The following TPO variants were observed in gnomAD, a reference collection of about 807,000 sequenced individuals.
The protein encoded by TPO is thyroid microsomal antigen.
In TPO, 78 loss-of-function variants were observed where a neutral mutation model predicts 96.9. The ratio of observed to expected loss-of-function variants is 0.81; its 90% CI spans 0.67 to 0.97. The LOEUF is 0.97. TPO is among the 50% of genes least tolerant of loss of function. The pLI is 0.00. For missense variants in TPO, 1,252 were observed against 1,274.8 expected (o/e 0.98, Z 0.27); for synonymous variants, 547 against 538.0 (o/e 1.02, Z -0.23).
intron 3 of TPO, among the ~76,000 whole-genome samples, chr2:1,432,543 G>A (rs1444616079): frequency 3.5e-5 from 5 of 142,472 alleles, no homozygotes; most frequent in Non-Finnish European, 7.7e-5. Context: ...CTGCAGGTGA[G>A]GAGAGGCCTG....
At chr2:1,455,224 G>A (rs975296857) in intron 6 of TPO, among the ~76,000 whole-genome samples, 1 of 152,176 alleles carries the variant, frequency 6.6e-6, no homozygotes, top group East Asian at 1.9e-4. Context: ...CCCATCTCAA[G>A]GCCCTTAATG....
chr2:1,505,090 G>A (rs1294097393), intron 14 of TPO, among the ~76,000 whole-genome samples: 2 of 152,192 alleles, frequency 1.3e-5, no homozygotes, highest in Non-Finnish European at 2.9e-5. Context: ...CAAGGGCCAG[G>A]GTCAAGGCCA....
At chr2:1,472,384 A>G (rs1403415209) in intron 7 of TPO, among the ~76,000 whole-genome samples, 1 of 152,186 alleles carries the variant, frequency 6.6e-6, no homozygotes, top group East Asian at 1.9e-4. Flanking sequence ...ATGAGTGGTC[A>G]CGGTGTGCCC....
chr2:1,527,789 C>T lies in TPO; in HGVS notation c.2618+10807C>T, dbSNP rs1276788487. Among the ~76,000 whole-genome samples the T allele has an allele frequency of 2.7e-4, 40 of 146,762 alleles. 1 individual carries two copies. The highest frequency in any genetic ancestry group is 9.2e-4 in the African/African-American group (36 of 39,124). ...ATCCCCCCCACTCTGTGCAACCTCCCAAAATCCCACACACTGTATGCAACC... is the reference window on the plus strand; with the variant it reads ...ATCCCCCCCACTCTGTGCAACCTCCTAAAATCCCACACACTGTATGCAACC... On this transcript the variant is annotated intron_variant, in intron 15 of 16. Transcript: ENST00000329066.
At chr2:1,526,708 A>G (rs199584531) in intron 15 of TPO, among the ~76,000 whole-genome samples, 3 of 50,810 alleles carry the variant, frequency 5.9e-5, no homozygotes, top group Non-Finnish European at 1.1e-4. Flanking sequence ...ACTGTATGCA[A>G]CCTCCCCAAA....
chr2:1,512,580 C>A, intron 14 of TPO: 2 of 727,232 alleles, frequency 2.8e-6, no homozygotes, highest in Non-Finnish European at 3.4e-6. Flanking sequence ...AGTCAGGGTC[C>A]GCCGCAGAAC....
At chr2:1,387,350 A>G (rs1198983755) in intron 1 of TPO, among the ~76,000 whole-genome samples, 1 of 152,344 alleles carries the variant, frequency 6.6e-6, no homozygotes, top group Non-Finnish European at 1.5e-5. Context: ...AGGTACACCA[A>G]TCAGACATAG....
At chr2:1,434,624 C>T (rs1014616277) in intron 4 of TPO, among the ~76,000 whole-genome samples, 1 of 152,208 alleles carries the variant, frequency 6.6e-6, no homozygotes, top group African/African-American at 2.4e-5. Flanking sequence ...AGATGTGGGT[C>T]TTTCTGGTCC....
chr2:1,453,956 C>A, intron 6 of TPO, 133 bp downstream of exon 6: 1 of 1,379,740 alleles, frequency 7.2e-7, no homozygotes, highest in Non-Finnish European at 1.0e-6. Flanking sequence ...CCCAGCCTCC[C>A]TTTGATGTAG....
At chr2:1,414,599 T>G (rs1197825692) in intron 2 of TPO, 97 bp downstream of exon 2, 1 of 1,093,192 alleles carries the variant, frequency 9.1e-7, no homozygotes, top group African/African-American at 1.5e-5. Flanking sequence ...AGAGTCACTT[T>G]AGGCCCCTGT....
At chr2:1,515,532 T>C (rs1039520355) in intron 14 of TPO, among the ~76,000 whole-genome samples, 27 of 152,174 alleles carry the variant, frequency 1.8e-4, no homozygotes, top group African/African-American at 6.5e-4. Flanking sequence ...CATTCATTCT[T>C]GTATCCAACA....
At chr2:1,407,852 AAGAC>A (rs1662269946) in intron 1 of TPO, among the ~76,000 whole-genome samples, 8 of 152,242 alleles carry the variant, frequency 5.3e-5, no homozygotes, top group Admixed American at 3.9e-4. Flanking sequence ...TTACACTGTA[AAGAC>A]AAATTGAACT....
chr2:1,496,099 T>A lies in TPO; in HGVS notation c.2117T>A (p.Met706Lys). 1 of 1,614,110 alleles carries A rather than the reference T, an allele frequency of 6.2e-7. No individual in the cohort carries two copies. The change falls in exon 12 of 17, where the codon ATG becomes AAG. Residue 706 changes from methionine to lysine, a missense_variant. Physicochemically the swap from Met to Lys is moderately conservative, Grantham distance 95. Coordinates refer to ENST00000329066, the MANE Select transcript of TPO (RefSeq NM_001206744.2). ...AACACTGGCCTCACCAGGGTGCCCA[T>A]GGATGCCTTCCAAGTCGGCAAATTC... ...CDNTGLTRVPMDAFQVGKFPE... is the reference protein window; with the variant it reads ...CDNTGLTRVPKDAFQVGKFPE...
rs538003920 is a variant in TPO at position 1,442,974 on chromosome 2, G to A, written c.482+6590G>A. Among the ~76,000 whole-genome samples the A allele has an allele frequency of 4.2e-3, 639 of 152,296 alleles. 5 individuals are homozygous for A. Among genetic ancestry groups the A allele is most frequent in the Non-Finnish European group, 4.0e-3 (274 of 68,032 alleles). ...TTTCTTGCTGGGCACTTTGGCTCAC[G>A]CCTGTAAAGACAGCACTTTCGGAGG... On this transcript the variant is annotated intron_variant, in intron 5 of 16. Transcript: ENST00000329066.
intron 7 of TPO, among the ~76,000 whole-genome samples, chr2:1,469,368 G>C (rs943754819): frequency 6.6e-6 from 1 of 152,206 alleles, no homozygotes; most frequent in African/African-American, 2.4e-5. Context: ...GCTCTAGCCT[G>C]TTGTTCAGAT....
intron 5 of TPO, among the ~76,000 whole-genome samples, chr2:1,450,579 T>C (rs1190720403): frequency 6.6e-6 from 1 of 152,210 alleles, no homozygotes; most frequent in Non-Finnish European, 1.5e-5. Flanking sequence ...GAAAGGATCT[T>C]TCCAACAGGA....
chr2:1,479,769 C>CTCT (rs1318712626), intron 8 of TPO, among the ~76,000 whole-genome samples: 1 of 148,182 alleles, frequency 6.7e-6, no homozygotes, highest in Non-Finnish European at 1.5e-5. Context: ...CCTCCTCCTC[C>CTCT]TCTTCTTCTT....
rs1415943123 is a variant in TPO, at chr2:1,537,621, C to T, written c.2619-2973C>T. 8.9e-5 allele frequency among the ~76,000 whole-genome samples: 11 copies of T among 123,880 alleles called. No homozygotes were observed. The East Asian group carries it at 2.4e-3, about 27-fold the overall frequency. The allele number at this position is 123,880 out of a possible 152,430, so 81.3% of individuals were successfully genotyped here. ...TGTGTGCAAACTCCTCAAATCACCC[C>T]GCTGTGTGCAACATCCCCAGATCCC... On this transcript the variant is annotated intron_variant, in intron 15 of 16. Transcript: ENST00000329066.
intron 7 of TPO, among the ~76,000 whole-genome samples, chr2:1,462,235 G>A (rs1668513479): frequency 1.3e-5 from 2 of 152,200 alleles, no homozygotes; most frequent in East Asian, 1.9e-4. Flanking sequence ...GGAGGGGCTG[G>A]ACCATCTCAG....
Sources: gnomAD v4.1 joint callset for allele counts (sites outside exome capture counted in the v4.1 genomes callset) on GRCh38, gnomAD v4.1.1 for gene constraint, MANE v1.5 for transcripts, NCBI Gene and HGNC (gene_info 2026-07-23, HGNC 2026-07-21) for gene names.